The following TGIF1 variants were observed in gnomAD, a reference collection of about 807,000 sequenced individuals.
TGIF1 encodes TGFB induced factor homeobox 1, also known as homeobox protein TGIF1.
In TGIF1, 4 loss-of-function variants were observed where a neutral mutation model predicts 19.3. The observed-to-expected ratio is 0.21, with a 90% CI of 0.10 to 0.47. TGIF1 has a LOEUF of 0.47. Among genes scored for constraint, TGIF1 ranks in the 20% least tolerant of loss-of-function variants. The probability of loss-of-function intolerance (pLI) is 0.98; values close to 1 mark genes in which losing one functional copy is unlikely to be tolerated. For synonymous variants in TGIF1, 122 were observed against 129.3 expected (o/e 0.94, Z 0.38); for missense variants, 275 against 341.4 (o/e 0.81, Z 1.53).
chr18:3,420,223 A>C (rs1001948991), intron 2 of TGIF1, among the ~76,000 whole-genome samples: 2 of 151,856 alleles, frequency 1.3e-5, no homozygotes, highest in South Asian at 4.1e-4. Context: ...TCTACTAAAC[A>C]TACAAAAATT....
chr18:3,456,398 A>G lies in TGIF1; in HGVS notation c.61A>G (p.Met21Val), dbSNP rs934077474. 6.2e-7 allele frequency: 1 copy of G among 1,614,278 alleles called. No individual in the cohort carries two copies. Among genetic ancestry groups the G allele is most frequent in the Non-Finnish European group, 8.5e-7 (1 of 1,180,048 alleles). ...SGSETEDEDS[M>V]DIPLDLSSSA... ...CAGTGAGACTGAGGATGAGGACAGCATGGACATTCCCTTGGACCTTTCTTC... is the reference window on the plus strand; with the variant it reads ...CAGTGAGACTGAGGATGAGGACAGCGTGGACATTCCCTTGGACCTTTCTTC... Residue 21 changes from methionine to valine, a missense_variant, in exon 2 of 3, where the codon ATG (methionine) becomes GTG (valine). By Grantham distance (21) the Met-to-Val change is conservative. Coordinates refer to ENST00000343820, the MANE Select transcript of TGIF1 (RefSeq NM_003244.4). The surrounding 1 kb of genome is among the most constrained non-coding windows in gnomAD (Gnocchi z 4.2).
intron 2 of TGIF1, among the ~76,000 whole-genome samples, chr18:3,426,440 A>G (rs1271879309): frequency 1.3e-5 from 2 of 152,140 alleles, no homozygotes; most frequent in Non-Finnish European, 2.9e-5. Flanking sequence ...AAGTGCTGGC[A>G]TTACAGGCAT....
chr18:3,452,729 C>T lies in TGIF1; in HGVS notation c.16+2224C>T, dbSNP rs141839057. 4.0e-3 allele frequency among the ~76,000 whole-genome samples: 605 copies of T among 152,292 alleles called. 5 individuals are homozygous for T. The highest frequency in any genetic ancestry group is 0.014 in the African/African-American group (571 of 41,564). ...CTACCTGGGAGGGGGGAGCCTTCCC[C>T]GTCGGCTCTGGAAAGACTCCTGAGG... On this transcript the variant is annotated intron_variant, in intron 1 of 2. Coordinates refer to ENST00000343820, the MANE Select transcript of TGIF1 (RefSeq NM_003244.4).
Position 3,450,452 on chromosome 18 carries a change from AC to A in TGIF1, c.-33del, listed in dbSNP as rs1568046126. ...GTGTCCCCGCTCCTGGCCCCTCCAG[AC>A]CCCCGCCTTGCCTCGCGCTGGGAGG... is the stretch of plus-strand genomic sequence containing the variant. On this transcript the variant is annotated 5_prime_UTR_variant, in exon 1 of 3. Transcript: ENST00000343820. 8 of 1,553,900 alleles carry A rather than the reference AC, an allele frequency of 5.1e-6. No individual in the cohort carries two copies. Among genetic ancestry groups the A allele is most frequent in the Non-Finnish European group, 7.0e-6 (8 of 1,148,568 alleles).
chr18:3,412,754 T>C (rs546425047), intron 1 of TGIF1: 1 of 152,384 alleles, frequency 6.6e-6, no homozygotes, highest in East Asian at 1.9e-4. Flanking sequence ...CTTGTCAAGT[T>C]TCCTAGCCTG....
chr18:3,450,335 G>C lies in TGIF1; in HGVS notation c.-155G>C. On this transcript the variant is annotated 5_prime_UTR_variant, in exon 1 of 3. Transcript: ENST00000343820. Reference sequence around the variant, plus strand: ...ATTCCACCCAAGGAGCGGGCGCCTGGGATCAGAGCGTCCTGTTTAGCAATA... The same window carrying C: ...ATTCCACCCAAGGAGCGGGCGCCTGCGATCAGAGCGTCCTGTTTAGCAATA... The C allele has an allele frequency of 1.0e-5, 15 of 1,467,236 alleles. No homozygotes were observed. Among genetic ancestry groups the C allele is most frequent in the Non-Finnish European group, 1.4e-5 (15 of 1,106,168 alleles). The allele number at this position is 1,467,236 out of a possible 1,614,324, so 90.9% of individuals were successfully genotyped here.
chr18:3,449,908 C>T, upstream of TGIF1: 1 of 985,868 alleles, frequency 1.0e-6, no homozygotes, highest in African/African-American at 1.7e-5. Context: ...CTGGGGCGCT[C>T]GGCTGGTGCC....
Position 3,459,185 on chromosome 18 carries a change from G to A in TGIF1, c.*1245G>A, listed in dbSNP as rs944119546. ...TAGTATGAGCTTGCTTTGTTGTTAC[G>A]GTCATGTTCTTTCCAGCCCTGCCCC... is the stretch of plus-strand genomic sequence containing the variant. On this transcript the variant is annotated 3_prime_UTR_variant, in exon 3 of 3. Transcript: ENST00000343820. 1 of 152,164 alleles carries A rather than the reference G, an allele frequency of 6.6e-6. No individual in the cohort carries two copies. Among genetic ancestry groups the A allele is most frequent in the African/African-American group, 2.4e-5 (1 of 41,422 alleles). The allele number at this position is 152,164 out of a possible 1,614,324, so 9.4% of individuals were successfully genotyped here.
At chr18:3,452,448 G>A (rs2083000280) in intron 1 of TGIF1, 3 of 1,605,730 alleles carry the variant, frequency 1.9e-6, no homozygotes, top group African/African-American at 2.7e-5. Context: ...AGGCTGCCGA[G>A]GTTACCCGGG....
chr18:3,443,609 T>C (rs2082701633), intron 2 of TGIF1, among the ~76,000 whole-genome samples: 3 of 152,136 alleles, frequency 2.0e-5, no homozygotes, highest in Non-Finnish European at 4.4e-5. Context: ...TGTAATTTCG[T>C]TCTGTTACCC....
intron 1 of TGIF1, among the ~76,000 whole-genome samples, chr18:3,452,586 A>G (rs570973946): frequency 6.6e-6 from 1 of 152,198 alleles, no homozygotes; most frequent in South Asian, 2.1e-4. Flanking sequence ...TAACTCGTGC[A>G]GTGTGCGGGC....
intron 1 of TGIF1, chr18:3,453,775 A>G (rs1055354094): frequency 1.0e-6 from 1 of 984,270 alleles, no homozygotes; most frequent in South Asian, 4.7e-5. Context: ...GGCTTTCTCC[A>G]CAACATTTCC....
chr18:3,457,852 A>C lies in TGIF1; in HGVS notation c.731A>C (p.Asn244Thr), dbSNP rs377493356. Residue 244 changes from asparagine (N) to threonine (T), a missense_variant, in exon 3 of 3, where the codon AAC becomes ACC. Physicochemically the swap from Asn to Thr is moderately conservative, Grantham distance 65. Transcript: ENST00000343820. The surrounding 1 kb of genome is among the most constrained non-coding windows in gnomAD (Gnocchi z 4.9). ...NTPPPTPPDL[N>T]QDFSGFQLLV... ...CCTCCCCCTACTCCACCGGACCTCAACCAGGACTTCAGTGGATTTCAGCTT... is the reference window on the plus strand; with the variant it reads ...CCTCCCCCTACTCCACCGGACCTCACCCAGGACTTCAGTGGATTTCAGCTT... 6.2e-7 allele frequency: 1 copy of C among 1,609,494 alleles called. No homozygotes were observed. The highest frequency in any genetic ancestry group is 1.1e-5 in the South Asian group (1 of 91,070).
At chr18:3,432,914 C>T (rs1434486066) in intron 2 of TGIF1, among the ~76,000 whole-genome samples, 4 of 152,048 alleles carry the variant, frequency 2.6e-5, no homozygotes, top group Non-Finnish European at 4.4e-5. Flanking sequence ...CATGCGCCAC[C>T]AAGCCCGGCT....
intron 2 of TGIF1, among the ~76,000 whole-genome samples, chr18:3,441,449 G>T (rs2082677002): frequency 1.3e-5 from 2 of 152,168 alleles, no homozygotes; most frequent in Admixed American, 1.3e-4. Flanking sequence ...AATTCTTGGT[G>T]TGGGGGCTGT....
chr18:3,423,017 C>G (rs565932151), intron 2 of TGIF1, among the ~76,000 whole-genome samples: 1 of 151,940 alleles, frequency 6.6e-6, no homozygotes, highest in Non-Finnish European at 1.5e-5. Flanking sequence ...CATATTTTTA[C>G]TATACATGTT....
chr18:3,429,680 T>C (rs2082521612), intron 2 of TGIF1, among the ~76,000 whole-genome samples: 1 of 152,186 alleles, frequency 6.6e-6, no homozygotes, highest in African/African-American at 2.4e-5. Context: ...CAAAGCATGA[T>C]GTTACAAAAT....
chr18:3,437,787 C>G lies in TGIF1; in HGVS notation c.-44-18567C>G, dbSNP rs145290847. 1.6e-3 allele frequency among the ~76,000 whole-genome samples: 237 copies of G among 152,208 alleles called. No homozygotes were observed. In the Middle Eastern group the frequency reaches 0.017, roughly 11 times the overall value. ...TTGGAAAATGCATTTTGTGATCAGACAAGAAGTGACAAGTGGCCGGGCACG... is the reference window on the plus strand; with the variant it reads ...TTGGAAAATGCATTTTGTGATCAGAGAAGAAGTGACAAGTGGCCGGGCACG... On this transcript the variant is annotated intron_variant, in intron 2 of 3. Coordinates refer to the TGIF1 transcript ENST00000401449.
rs2143318591 is a variant in TGIF1, at chr18:3,451,075, C to A, written c.16+570C>A. ...GGAATGCGATTCTGGACCCCCTCATCGCCCTCGGGTGTAAACAGCTTTGGA... is the reference window on the plus strand; with the variant it reads ...GGAATGCGATTCTGGACCCCCTCATAGCCCTCGGGTGTAAACAGCTTTGGA... On this transcript the variant is annotated intron_variant, in intron 1 of 2. Coordinates refer to ENST00000343820, the MANE Select transcript of TGIF1 (RefSeq NM_003244.4). The surrounding 1 kb of genome is among the most constrained non-coding windows in gnomAD (Gnocchi z 5.4). Among the ~76,000 whole-genome samples, 1 of 151,670 alleles carries A rather than the reference C, an allele frequency of 6.6e-6. No homozygotes were observed. Among genetic ancestry groups the A allele is most frequent in the South Asian group, 2.1e-4 (1 of 4,808 alleles).
Sources: allele counts gnomAD v4.1 joint callset (sites outside exome capture counted in the v4.1 genomes callset), GRCh38; gene constraint gnomAD v4.1.1; non-coding constraint Gnocchi (gnomAD v3.1); transcripts MANE v1.5; gene names NCBI Gene and HGNC (gene_info 2026-07-23, HGNC 2026-07-21).